The following NXF1 variants were observed in gnomAD, a reference collection of about 807,000 sequenced individuals.
The protein encoded by NXF1 is nuclear RNA export factor 1.
Under a neutral mutation model 92.4 loss-of-function variants are expected in NXF1, and 43 were observed. That is an observed-to-expected ratio of 0.47 (90% CI 0.36 to 0.60). The LOEUF (loss-of-function observed/expected upper bound fraction) is 0.60, where lower values mean the gene tolerates loss of function less well. NXF1 is among the 20% of genes least tolerant of loss of function. NXF1 has a pLI of 0.00. For missense variants in NXF1, 576 were observed against 793.0 expected (o/e 0.73, Z 3.29); for synonymous variants, 288 against 292.2 (o/e 0.99, Z 0.15).
At position 62,800,366 on chromosome 11, in the gene NXF1, C is replaced by T. The variant is rs2084465812; in HGVS notation, c.1016+11G>A. On this transcript the variant is annotated intron_variant, in intron 10 of 20. Coordinates refer to ENST00000294172, the MANE Select transcript of NXF1 (RefSeq NM_006362.5). Reference sequence around the variant, plus strand: ...AGGTCCCCAGGAGGGGAGACACAGGCTACAACTGACCTGATGTAGGTGGAC... The same window carrying T: ...AGGTCCCCAGGAGGGGAGACACAGGTTACAACTGACCTGATGTAGGTGGAC... The T allele has an allele frequency of 6.2e-7, 1 of 1,614,032 alleles. No individual in the cohort carries two copies. Among genetic ancestry groups the T allele is most frequent in the East Asian group, 2.2e-5 (1 of 44,846 alleles).
intron 7 of NXF1, 33 bp downstream of exon 7, chr11:62,801,529 C>T: frequency 6.2e-7 from 1 of 1,612,204 alleles, no homozygotes; most frequent in Non-Finnish European, 8.5e-7. Context: ...ACCTTATCAC[C>T]ACCTATCTGA....
In NXF1 at chr11:62,796,073, G is replaced by A. The variant is rs776158090; in HGVS notation, c.1454C>T (p.Ala485Val). 1 of 1,613,746 alleles carries A rather than the reference G, an allele frequency of 6.2e-7. No individual in the cohort carries two copies. Among genetic ancestry groups the A allele is most frequent in the South Asian group, 1.1e-5 (1 of 91,062 alleles). The change falls in exon 16 of 21, where the codon GCC (alanine) becomes GTC (valine). Residue 485 changes from alanine to valine, a missense_variant. Ala to Val is a moderately conservative substitution (Grantham distance 64). Coordinates refer to ENST00000294172, the MANE Select transcript of NXF1 (RefSeq NM_006362.5). ...GCGCAAGCAGGAGCTTACTGTCTGGGCGCTTATGTCTACCACGAAGGAATT... is the reference window on the plus strand; with the variant it reads ...GCGCAAGCAGGAGCTTACTGTCTGGACGCTTATGTCTACCACGAAGGAATT... ...DVNSFVVDIS[A>V]QTSTLLCFSV...
intron 1 of NXF1, among the ~76,000 whole-genome samples, chr11:62,804,599 G>T (rs116591122): frequency 1.3e-3 from 195 of 152,206 alleles, no homozygotes; most frequent in African/African-American, 4.6e-3. Flanking sequence ...TCCCAAAAGA[G>T]GTCTGCCTAA....
Position 62,798,562 on chromosome 11 carries a change from G to A in NXF1, c.1030C>T (p.Arg344Ter). ...ACCAGGCGTAGTAACTTGGGAAATC[G>A]TTCGCGAATGGCGCTGTCAAGAACG... ...QSTYISAIRE[R>*]FPKLLRLDGH... The change falls in exon 11 of 21, where the codon CGA (arginine) becomes TGA (stop). Residue 344 changes from arginine (R) to a stop codon, truncating the protein, a stop_gained. Transcript: ENST00000294172. LOFTEE classifies it high-confidence loss of function. 1.2e-6 allele frequency: 2 copies of A among 1,614,080 alleles called. No homozygotes were observed. The highest frequency in any genetic ancestry group is 1.7e-6 in the Non-Finnish European group (2 of 1,179,968).
Position 62,801,591 on chromosome 11 carries a change from AG to A in NXF1, c.679del (p.Asp228ThrfsTer20). 2 of 1,614,126 alleles carry A rather than the reference AG, an allele frequency of 1.2e-6. No homozygotes were observed. Among genetic ancestry groups the A allele is most frequent in the Non-Finnish European group, 1.7e-6 (2 of 1,180,028 alleles). On this transcript the variant is annotated frameshift_variant, in exon 7 of 21. Coordinates refer to ENST00000294172, the MANE Select transcript of NXF1 (RefSeq NM_006362.5). ...GTCTGAACGGAGGCCTTTGAGGTCA[AG>A]GGCTTGTTGGGAGCCATCGTATCGT... The part of the protein sequence containing the change: ...SKRYDGSQQA[L>X]DLKGLRSDPD...
At chr11:62,795,769 T>G in intron 17 of NXF1, 132 bp downstream of exon 17, 1 of 871,128 alleles carries the variant, frequency 1.1e-6, no homozygotes, top group Non-Finnish European at 1.9e-6. Context: ...CCAAGACGGC[T>G]TGGGGGCAGA....
chr11:62,801,181 G>A lies in NXF1; in HGVS notation c.819C>T (p.Ser273=). The change falls in exon 9 of 21, where the codon AGC becomes AGT. Residue 273 remains serine (S), a synonymous_variant. Transcript: ENST00000294172. ...CATCCAGCCTGTACAGCCTGTTGTT[G>A]CTCAAGTTCAAGGACAATAGCTGTG... ...NIPELLSLNL[S]NNRLYRLDDM... is the part of the protein sequence containing the mutation. The A allele has an allele frequency of 6.2e-7, 1 of 1,614,180 alleles. No homozygotes were observed. The highest frequency in any genetic ancestry group is 1.1e-5 in the South Asian group (1 of 91,084).
chr11:62,794,793 T>A, intron 18 of NXF1, 142 bp downstream of exon 18: 1 of 730,392 alleles, frequency 1.4e-6, no homozygotes, highest in South Asian at 1.9e-5. Flanking sequence ...AGCTATTAAC[T>A]GGCTCTTAAC....
chr11:62,794,233 C>T (rs2084398192), intron 19 of NXF1, 25 bp downstream of exon 19: 2 of 1,599,402 alleles, frequency 1.3e-6, no homozygotes, highest in Non-Finnish European at 8.6e-7. Context: ...AGTGCATCCC[C>T]ATCCTACACA....
At chr11:62,794,606 T>C in intron 18 of NXF1, 166 bp from the exon 19 acceptor site, 1 of 658,822 alleles carries the variant, frequency 1.5e-6, no homozygotes, top group South Asian at 2.0e-5. Flanking sequence ...TTTGGAAGGA[T>C]TATCTACTAA....
chr11:62,796,007 T>G, intron 16 of NXF1, 59 bp downstream of exon 16: 1 of 1,398,698 alleles, frequency 7.1e-7, no homozygotes, highest in Non-Finnish European at 9.7e-7. Flanking sequence ...CCCCCTTGCC[T>G]ATTAAATGCC....
chr11:62,792,630 C>T lies in NXF1; in HGVS notation c.1821+11G>A. The stretch of plus-strand genomic sequence containing the variant: ...TCCTAGTCTTTTTGCCACTGTATTT[C>T]CAGACCTTACCTTGAGATGAGTGAA... On this transcript the variant is annotated intron_variant, in intron 20 of 20. Transcript: ENST00000294172. 1.2e-6 allele frequency: 2 copies of T among 1,614,180 alleles called. No homozygotes were observed. Among genetic ancestry groups the T allele is most frequent in the Non-Finnish European group, 1.7e-6 (2 of 1,180,012 alleles).
chr11:62,793,166 C>T (rs2084384364), intron 19 of NXF1, among the ~76,000 whole-genome samples: 1 of 151,958 alleles, frequency 6.6e-6, no homozygotes, highest in African/African-American at 2.4e-5. Context: ...GCAACCTCCG[C>T]CTTCCAGGTT....
At chr11:62,803,999 A>G in intron 1 of NXF1, 21 bp from the exon 2 acceptor site, 2 of 1,609,726 alleles carry the variant, frequency 1.2e-6, no homozygotes. Flanking sequence ...AAACAGGAAC[A>G]CAAATTAGAA....
intron 11 of NXF1, among the ~76,000 whole-genome samples, chr11:62,798,144 G>T (rs1172983485): frequency 6.9e-6 from 1 of 144,622 alleles, no homozygotes; most frequent in Non-Finnish European, 1.5e-5. Context: ...AAAAAAAAAA[G>T]GGCCTGGTGC....
intron 1 of NXF1, 143 bp downstream of exon 1, chr11:62,805,186 C>A: frequency 1.5e-6 from 1 of 666,670 alleles, no homozygotes; most frequent in Non-Finnish European, 2.2e-6. Context: ...CGGGTGTCCA[C>A]CTCGAGTGCC....
At position 62,798,803 on chromosome 11, in the gene NXF1, T is replaced by C. The variant is rs2084448086; in HGVS notation, c.1017-228A>G. 4 of 1,357,376 alleles carry C rather than the reference T, an allele frequency of 2.9e-6. No individual in the cohort carries two copies. The South Asian group carries it at 7.2e-5, about 24-fold the overall frequency. 84.1% of individuals were successfully genotyped at this position (1,357,376 alleles called of 1,614,324 possible). ...TGTCTCTTTTCTCTCTGCCTGACCCTGAGTGTCAAGGAGCAGTACTCCAAG... is the reference window on the plus strand; with the variant it reads ...TGTCTCTTTTCTCTCTGCCTGACCCCGAGTGTCAAGGAGCAGTACTCCAAG... On this transcript the variant is annotated intron_variant, in intron 10 of 20. Coordinates refer to ENST00000294172, the MANE Select transcript of NXF1 (RefSeq NM_006362.5).
intron 3 of NXF1, 40 bp downstream of exon 3, chr11:62,803,379 C>T (rs1334133221): frequency 1.9e-6 from 3 of 1,556,816 alleles, no homozygotes; most frequent in African/African-American, 2.7e-5. Context: ...AGCGTGGCCT[C>T]CTATCTCTAC....
intron 10 of NXF1, chr11:62,799,986 C>A (rs929010592): frequency 3.0e-6 from 3 of 1,005,362 alleles, no homozygotes; most frequent in Non-Finnish European, 1.2e-6. Flanking sequence ...GTAGGGAGGG[C>A]TTCCTCAACC....
Sources: gnomAD v4.1 joint callset for allele counts (sites outside exome capture counted in the v4.1 genomes callset) on GRCh38, gnomAD v4.1.1 for gene constraint, MANE v1.5 for transcripts, NCBI Gene and HGNC (gene_info 2026-07-23, HGNC 2026-07-21) for gene names.